Variants in ETV6 observed in about 807,000 individuals in gnomAD.
ETV6 encodes the protein transcription factor ETV6.
In ETV6, 16 loss-of-function variants were observed where a neutral mutation model predicts 51.1. The observed-to-expected ratio is 0.31, with a 90% CI of 0.21 to 0.48. ETV6 has a LOEUF of 0.48. ETV6 is among the 20% of genes least tolerant of loss of function. ETV6 has a pLI of 0.99. For missense variants in ETV6, 458 were observed against 594.8 expected (o/e 0.77, Z 2.39); for synonymous variants, 240 against 224.1 (o/e 1.07, Z -0.64).
intron 2 of ETV6, among the ~76,000 whole-genome samples, chr12:11,832,451 C>G (rs1270140883): frequency 6.6e-6 from 1 of 152,126 alleles, no homozygotes; most frequent in East Asian, 1.9e-4. Context: ...TGGCAGTGAT[C>G]CTTCAGGGTT....
At chr12:11,733,552 C>T (rs939158977) in intron 1 of ETV6, among the ~76,000 whole-genome samples, 2 of 151,888 alleles carry the variant, frequency 1.3e-5, no homozygotes, top group African/African-American at 4.8e-5. Flanking sequence ...GTGTAAGTTA[C>T]AGGTAAAGGA....
At position 11,842,249 on chromosome 12, in the gene ETV6, G is replaced by C. The variant is rs558126149; in HGVS notation, c.328+2945G>C. ...TGCCTCCTCACATTTCAAACTGGTG[G>C]ACTGTCTCCTGGAAGGCTTCTCTTG... On this transcript the variant is annotated intron_variant, in intron 3 of 7. Coordinates refer to ENST00000396373, the MANE Select transcript of ETV6 (RefSeq NM_001987.5). Among the ~76,000 whole-genome samples the C allele has an allele frequency of 1.3e-4, 20 of 152,126 alleles. No individual in the cohort carries two copies. The East Asian group carries it at 2.1e-3, about 16-fold the overall frequency.
chr12:11,843,882 T>C (rs1946424751), intron 3 of ETV6, among the ~76,000 whole-genome samples: 1 of 152,186 alleles, frequency 6.6e-6, no homozygotes, highest in Admixed American at 6.5e-5. Flanking sequence ...ATATTTTCTT[T>C]GGAATAGTCT....
At chr12:11,685,788 A>G (rs1272892467) in intron 1 of ETV6, among the ~76,000 whole-genome samples, 3 of 152,358 alleles carry the variant, frequency 2.0e-5, no homozygotes, top group Admixed American at 2.0e-4. Flanking sequence ...ATGATTGAAC[A>G]AAAGTGGATG....
rs1336998892 is a variant in ETV6 at position 11,788,756 on chromosome 12, G to GTT, written c.163+36193_163+36194dup. 6.4e-3 allele frequency among the ~76,000 whole-genome samples: 653 copies of GTT among 102,468 alleles called. 5 individuals carry two copies. Among genetic ancestry groups the GTT allele is most frequent in the Middle Eastern group, 0.021 (4 of 192 alleles). 67.2% of individuals were successfully genotyped at this position (102,468 alleles called of 152,430 possible). On this transcript the variant is annotated intron_variant, in intron 2 of 7. Transcript: ENST00000396373. ...ATTCTTAAATCACGTGCTTGTATTG[G>GTT]TTTTTTTTTTTTTTTTTCATTTCTA...
intron 5 of ETV6, among the ~76,000 whole-genome samples, chr12:11,883,262 C>T (rs543185835): frequency 8.1e-6 from 1 of 124,114 alleles, no homozygotes; most frequent in East Asian, 2.6e-4. Flanking sequence ...GGAAGGTGTA[C>T]ATCATGTCTT....
At position 11,681,052 on chromosome 12, in the gene ETV6, A is replaced by G. The variant is rs111625209; in HGVS notation, c.33+30892A>G. On this transcript the variant is annotated intron_variant, in intron 1 of 7. Transcript: ENST00000396373. ...GGTGGCACAGATGAAGCCATTTTCT[A>G]TGGAAGCCTCCTAGGCAAGACTCTG... Among the ~76,000 whole-genome samples the G allele has an allele frequency of 5.6e-3, 859 of 152,276 alleles. 4 individuals carry two copies. Among genetic ancestry groups the G allele is most frequent in the African/African-American group, 0.02 (824 of 41,554 alleles).
At chr12:11,864,351 T>C (rs2723843) in intron 4 of ETV6, among the ~76,000 whole-genome samples, 151,617 of 152,358 alleles carry the variant, frequency 1, 75,448 homozygotes, top group Middle Eastern at 1. Context: ...ATTTATAAGA[T>C]GGGAAATGGA....
chr12:11,843,546 G>T (rs566223686), intron 3 of ETV6, among the ~76,000 whole-genome samples: 64 of 152,300 alleles, frequency 4.2e-4, no homozygotes, highest in African/African-American at 1.3e-3. Flanking sequence ...CTGAAACAGT[G>T]TTAAGTTGCT....
chr12:11,883,812 T>C (rs1445595836), intron 5 of ETV6, among the ~76,000 whole-genome samples: 19 of 152,232 alleles, frequency 1.2e-4, no homozygotes, highest in Admixed American at 1.2e-3. Flanking sequence ...CAAAATGTGA[T>C]AGAATGAGAA....
chr12:11,714,370 T>C (rs141224207), intron 1 of ETV6, among the ~76,000 whole-genome samples: 173 of 152,322 alleles, frequency 1.1e-3, no homozygotes, highest in African/African-American at 4.1e-3. Context: ...TTGCCTCCAG[T>C]TCTCTGCACT....
At chr12:11,664,502 C>T (rs556974290) in intron 1 of ETV6, among the ~76,000 whole-genome samples, 10 of 152,108 alleles carry the variant, frequency 6.6e-5, no homozygotes, top group South Asian at 2.1e-4. Context: ...AGGGGAGAAC[C>T]GCCAAAAGAA....
At chr12:11,716,861 A>G (rs983205818) in intron 1 of ETV6, 7 of 152,206 alleles carry the variant, frequency 4.6e-5, no homozygotes, top group Admixed American at 3.9e-4. Flanking sequence ...GTGGCCTTCA[A>G]ACAGTTGTAC....
At chr12:11,800,764 A>G (rs1945736546) in intron 2 of ETV6, among the ~76,000 whole-genome samples, 2 of 152,006 alleles carry the variant, frequency 1.3e-5, no homozygotes, top group African/African-American at 4.8e-5. Flanking sequence ...GGGACCAGTT[A>G]CTCCCCAGAA....
chr12:11,707,590 T>C (rs1292486978), intron 1 of ETV6, among the ~76,000 whole-genome samples: 1 of 152,232 alleles, frequency 6.6e-6, no homozygotes, highest in East Asian at 1.9e-4. Flanking sequence ...CCACTGATGA[T>C]TTTCCTTTTA....
intron 4 of ETV6, among the ~76,000 whole-genome samples, chr12:11,855,097 C>A (rs954071008): frequency 6.7e-6 from 1 of 149,850 alleles, no homozygotes. Flanking sequence ...AGATCAAGAC[C>A]GTCCTGGCTA....
chr12:11,784,862 ATTTTTT>A (rs34004409), intron 2 of ETV6, among the ~76,000 whole-genome samples: 32 of 85,758 alleles, frequency 3.7e-4, no homozygotes, highest in South Asian at 8.9e-4. Context: ...TGCCTTGCTA[ATTTTTT>A]TTTTTTTTTT....
At chr12:11,833,302 T>C (rs970654013) in intron 2 of ETV6, among the ~76,000 whole-genome samples, 2 of 152,212 alleles carry the variant, frequency 1.3e-5, no homozygotes, top group African/African-American at 4.8e-5. Flanking sequence ...AAGTACATTA[T>C]CTATGATTCA....
intron 2 of ETV6, among the ~76,000 whole-genome samples, chr12:11,755,607 T>C (rs775589389): frequency 1.3e-5 from 2 of 152,178 alleles, no homozygotes; most frequent in Non-Finnish European, 2.9e-5. Context: ...TGACTGAAGC[T>C]GTGCCACACA....
Sources: gnomAD v4.1 joint callset for allele counts (sites outside exome capture counted in the v4.1 genomes callset) on GRCh38, gnomAD v4.1.1 for gene constraint, MANE v1.5 for transcripts, NCBI Gene and HGNC (gene_info 2026-07-23, HGNC 2026-07-21) for gene names.